HSP90AA1: variants seen among roughly 807,000 people sequenced by gnomAD.
HSP90AA1 encodes the protein heat shock protein 90 alpha family class A member 1, also known as heat shock protein HSP 90-alpha.
Under a neutral mutation model 73.3 loss-of-function variants are expected in HSP90AA1, and 18 were observed. The observed-to-expected ratio is 0.25, with a 90% CI of 0.17 to 0.36. The LOEUF is 0.36. Among genes scored for constraint, HSP90AA1 ranks in the 10% least tolerant of loss-of-function variants. The pLI is 1.00. For missense variants in HSP90AA1, 704 were observed against 874.2 expected, an observed-to-expected ratio of 0.81 and a Z score of 2.45; for synonymous variants, 477 against 296.9, an observed-to-expected ratio of 1.61 and a Z score of -6.24.
intron 2 of HSP90AA1, among the ~76,000 whole-genome samples, chr14:102,098,853 A>G (rs2049459087): frequency 6.6e-6 from 1 of 152,124 alleles, no homozygotes; most frequent in Non-Finnish European, 1.5e-5. Flanking sequence ...TTGTCTGTAA[A>G]ATGAGGAGTA....
At chr14:102,125,514 T>C (rs1360242913) in intron 1 of HSP90AA1, among the ~76,000 whole-genome samples, 4 of 152,006 alleles carry the variant, frequency 2.6e-5, no homozygotes, top group Admixed American at 6.6e-5. Context: ...AGGAAGTGAG[T>C]GAACAATGGG....
intron 1 of HSP90AA1, among the ~76,000 whole-genome samples, chr14:102,133,920 G>T (rs1018686643): frequency 1.3e-5 from 2 of 152,134 alleles, no homozygotes; most frequent in Non-Finnish European, 2.9e-5. Context: ...GGAGGCAGAG[G>T]TGGGTTGATT....
chr14:102,120,761 G>A (rs983533454), intron 1 of HSP90AA1, among the ~76,000 whole-genome samples: 2 of 151,736 alleles, frequency 1.3e-5, no homozygotes, highest in African/African-American at 4.8e-5. Flanking sequence ...TGGCCAACAT[G>A]GTGAAACCCT....
At chr14:102,086,733 G>C (rs1392100999) in intron 1 of HSP90AA1, among the ~76,000 whole-genome samples, 2 of 151,174 alleles carry the variant, frequency 1.3e-5, no homozygotes, top group Non-Finnish European at 3.0e-5. Context: ...GGGCCGCTCT[G>C]TTCGCGTGCG....
chr14:102,139,605 G>A (rs985713033), exon 1 of HSP90AA1: 5 of 671,772 alleles, frequency 7.4e-6, no homozygotes, highest in Non-Finnish European at 1.2e-5. Context: ...TGGCCCTGGC[G>A]GCTGCGGAAC....
chr14:102,136,151 T>G (rs2049991183), intron 1 of HSP90AA1, among the ~76,000 whole-genome samples: 2 of 152,242 alleles, frequency 1.3e-5, no homozygotes, highest in Non-Finnish European at 2.9e-5. Flanking sequence ...TCTAAAGCAC[T>G]GTTTTTAGAA....
chr14:102,107,455 G>C (rs1454516487), intron 1 of HSP90AA1, among the ~76,000 whole-genome samples: 1 of 151,994 alleles, frequency 6.6e-6, no homozygotes, highest in Non-Finnish European at 1.5e-5. Context: ...CTCCCAAGTA[G>C]CTGGGACTAC....
intron 2 of HSP90AA1, among the ~76,000 whole-genome samples, chr14:102,100,796 C>A (rs2049482941): frequency 6.6e-6 from 1 of 152,132 alleles, no homozygotes; most frequent in Non-Finnish European, 1.5e-5. Context: ...AGTTTAAATC[C>A]CTGCTCTGCT....
chr14:102,134,322 CAAAAAAA>C (rs57081266), intron 1 of HSP90AA1, among the ~76,000 whole-genome samples: 52 of 69,082 alleles, frequency 7.5e-4, no homozygotes, highest in Non-Finnish European at 1.1e-3. Context: ...GGCTCTGTCT[CAAAAAAA>C]AAAAAAAAAA....
chr14:102,104,270 C>T (rs1288427852), intron 1 of HSP90AA1, among the ~76,000 whole-genome samples: 1 of 152,084 alleles, frequency 6.6e-6, no homozygotes, highest in Non-Finnish European at 1.5e-5. Flanking sequence ...AGTGCAACGG[C>T]AAGATCTTGG....
At chr14:102,131,761 A>C (rs1447494038) in intron 1 of HSP90AA1, among the ~76,000 whole-genome samples, 1 of 152,108 alleles carries the variant, frequency 6.6e-6, no homozygotes, top group Non-Finnish European at 1.5e-5. Flanking sequence ...TCTTACCCTG[A>C]CCTACTTCTT....
chr14:102,084,144 A>G (rs891715447), intron 6 of HSP90AA1, 161 bp from the exon 7 acceptor site: 7 of 726,638 alleles, frequency 9.6e-6, no homozygotes, highest in Admixed American at 8.7e-5. Context: ...ATCTCCACTC[A>G]CTGCAACCTC....
In HSP90AA1 at chr14:102,081,750, C is replaced by T; in HGVS notation, c.2161G>A (p.Gly721Arg). ...AVTEEMPPLEGDDDTSRMEEV... is the reference protein window; with the variant it reads ...AVTEEMPPLERDDDTSRMEEV... ...TCCATGCGTGATGTGTCGTCATCTC[C>T]TTCAAGGGGTGGCATTTCTTCAGTT... The change falls in exon 11 of 11, where the codon GGA becomes AGA. Residue 721 changes from glycine (G) to arginine (R), a missense_variant. By Grantham distance (125) the Gly-to-Arg change is moderately radical. Transcript: ENST00000216281. The T allele has an allele frequency of 1.9e-6, 3 of 1,595,592 alleles. No individual in the cohort carries two copies. Among genetic ancestry groups the T allele is most frequent in the South Asian group, 1.1e-5 (1 of 90,674 alleles).
chr14:102,083,001 T>TA (rs1566718157), intron 9 of HSP90AA1, 33 bp downstream of exon 9: 6 of 1,601,140 alleles, frequency 3.7e-6, no homozygotes, highest in Non-Finnish European at 5.1e-6. Flanking sequence ...ACCTTAGAAG[T>TA]ATCAATGATC....
At chr14:102,088,561 G>A (rs556692166), upstream of HSP90AA1, among the ~76,000 whole-genome samples, 1 of 152,334 alleles carries the variant, frequency 6.6e-6, no homozygotes, top group South Asian at 2.1e-4. Context: ...TAGCAGCCAC[G>A]TGGCGCGGGC....
chr14:102,118,157 G>A (rs1012115199), intron 1 of HSP90AA1, among the ~76,000 whole-genome samples: 1 of 152,212 alleles, frequency 6.6e-6, no homozygotes, highest in Non-Finnish European at 1.5e-5. Flanking sequence ...AGCACAGCCT[G>A]CCAGGCTGAA....
At position 102,119,734 on chromosome 14, in the gene HSP90AA1, G is replaced by A. The variant is rs374680719; in HGVS notation, c.156-17649C>T. ...GATCTCCTGACCTTGTGCTCCGCCC[G>A]CCTCAGCCTCCTAAAGTGCTGGGAT... On this transcript the variant is annotated intron_variant, in intron 1 of 11. Transcript: ENST00000334701. Among the ~76,000 whole-genome samples, 216 of 152,150 alleles carry A rather than the reference G, an allele frequency of 1.4e-3. 1 individual carries two copies. The highest frequency in any genetic ancestry group is 4.6e-3 in the African/African-American group (193 of 41,528).
At chr14:102,105,738 A>T (rs1595670686) in intron 1 of HSP90AA1, among the ~76,000 whole-genome samples, 1 of 151,960 alleles carries the variant, frequency 6.6e-6, no homozygotes, top group African/African-American at 2.4e-5. Context: ...CTGTGTTTGG[A>T]TTTGAGGGTC....
chr14:102,102,189 C>T, intron 1 of HSP90AA1: 4 of 858,652 alleles, frequency 4.7e-6, no homozygotes, highest in Non-Finnish European at 7.9e-6. Context: ...GCCCTGGCTT[C>T]CTTAGACTTC....
Sources: gnomAD v4.1 joint callset for allele counts (sites outside exome capture counted in the v4.1 genomes callset) on GRCh38, gnomAD v4.1.1 for gene constraint, MANE v1.5 for transcripts, NCBI Gene and HGNC (gene_info 2026-07-23, HGNC 2026-07-21) for gene names.